Variants in ARHGEF10L observed in about 807,000 individuals in gnomAD.
The protein encoded by ARHGEF10L is rho guanine nucleotide exchange factor 10-like protein.
ARHGEF10L carries 69 observed loss-of-function variants against 141.2 expected under a neutral mutation model. The observed-to-expected ratio is 0.49, with a 90% CI of 0.40 to 0.60. The LOEUF is 0.60. Among genes scored for constraint, ARHGEF10L ranks in the 20% least tolerant of loss-of-function variants. ARHGEF10L has a pLI of 0.00. For missense variants in ARHGEF10L, 1,482 were observed against 1,734.3 expected, an observed-to-expected ratio of 0.85 and a Z score of 2.58; for synonymous variants, 711 against 718.5, an observed-to-expected ratio of 0.99 and a Z score of 0.17.
rs1364059120 is a variant in ARHGEF10L, at chr1:17,603,348, A to T, written c.350-160A>T. Among the ~76,000 whole-genome samples the T allele has an allele frequency of 6.6e-6, 1 of 151,738 alleles. No individual in the cohort carries two copies. The highest frequency in any genetic ancestry group is 1.5e-5 in the Non-Finnish European group (1 of 67,896). ...GGCGGGGAGAAGCGAGGGAGCCGGCATCCCCTGAGGGCAGCTGGCGGAGCT... is the reference window on the plus strand; with the variant it reads ...GGCGGGGAGAAGCGAGGGAGCCGGCTTCCCCTGAGGGCAGCTGGCGGAGCT... On this transcript the variant is annotated intron_variant, in intron 5 of 28. Transcript: ENST00000361221. The surrounding 1 kb of genome is among the most constrained non-coding windows in gnomAD (Gnocchi z 4.8).
intron 16 of ARHGEF10L, chr1:17,634,243 A>C: frequency 1.9e-6 from 1 of 518,692 alleles, no homozygotes. Flanking sequence ...GTGGGGTGCT[A>C]GTGGCCCGGT....
chr1:17,535,888 T>G (rs1207045234), upstream of ARHGEF10L, among the ~76,000 whole-genome samples: 1 of 152,150 alleles, frequency 6.6e-6, no homozygotes, highest in African/African-American at 2.4e-5. Flanking sequence ...CCACCCGGAA[T>G]GAGACAACAG....
chr1:17,603,652 G>T lies in ARHGEF10L; in HGVS notation c.433+61G>T. On this transcript the variant is annotated intron_variant, in intron 6 of 28. Transcript: ENST00000361221. The surrounding 1 kb of genome is among the most constrained non-coding windows in gnomAD (Gnocchi z 4.8). Reference sequence around the variant, plus strand: ...GGACAGGGGAGGGAGGCTGGGACTGGGGAGGGTTGTCTCTTTCCGTTTCCT... The same window carrying T: ...GGACAGGGGAGGGAGGCTGGGACTGTGGAGGGTTGTCTCTTTCCGTTTCCT... 2 of 1,453,162 alleles carry T rather than the reference G, an allele frequency of 1.4e-6. No individual in the cohort carries two copies. The highest frequency in any genetic ancestry group is 9.3e-7 in the Non-Finnish European group (1 of 1,070,510). 90.0% of individuals were successfully genotyped at this position (1,453,162 alleles called of 1,614,324 possible).
rs1026698901 is a variant in ARHGEF10L, at chr1:17,619,052, C to T, written c.836-287C>T. 3.3e-5 allele frequency among the ~76,000 whole-genome samples: 5 copies of T among 152,134 alleles called. No individual in the cohort carries two copies. The highest frequency in any genetic ancestry group is 6.5e-5 in the Admixed American group (1 of 15,276). On this transcript the variant is annotated intron_variant, in intron 9 of 28. Coordinates refer to ENST00000361221, the MANE Select transcript of ARHGEF10L (RefSeq NM_018125.4). The surrounding 1 kb of genome is among the most constrained non-coding windows in gnomAD (Gnocchi z 5.0). ...GGACAGTGGCTTCTGGCAGCATGGACGCCGAGAACCCAGGCCCCACAGGAC... is the reference window on the plus strand; with the variant it reads ...GGACAGTGGCTTCTGGCAGCATGGATGCCGAGAACCCAGGCCCCACAGGAC...
At chr1:17,596,615 C>A (rs1243741211) in intron 4 of ARHGEF10L, among the ~76,000 whole-genome samples, 1 of 152,236 alleles carries the variant, frequency 6.6e-6, no homozygotes, top group Non-Finnish European at 1.5e-5. Context: ...TTTTGGGGGT[C>A]TCCTCCCCGA....
At chr1:17,534,829 T>A (rs1392603468), upstream of ARHGEF10L, among the ~76,000 whole-genome samples, 1 of 151,942 alleles carries the variant, frequency 6.6e-6, no homozygotes, top group Non-Finnish European at 1.5e-5. Flanking sequence ...CCTCAGATGA[T>A]CCATCTGCCT....
chr1:17,516,153 C>T, the ARHGEF10L span, among the ~76,000 whole-genome samples: 1 of 152,340 alleles, frequency 6.6e-6, no homozygotes, highest in East Asian at 1.9e-4. Context: ...GGCAGCCTTG[C>T]TGAGTGGAGT....
Position 17,623,125 on chromosome 1 carries a change from G to T in ARHGEF10L, c.1150G>T (p.Val384Leu), listed in dbSNP as rs773305597. ...SMFQIALSSR[V>L]AEWDSTEKIG... The stretch of plus-strand genomic sequence containing the variant: ...GTTCCAGATCGCCCTGTCCTCCCGC[G>T]TGGCTGAGTGGGATTCCACCGAGAA... Residue 384 changes from valine to leucine, a missense_variant, in exon 12 of 29, where the codon GTG becomes TTG. By Grantham distance (32) the Val-to-Leu change is conservative. Transcript: ENST00000361221. This position sits in a 1 kb window ranked among gnomAD's most constrained non-coding sequence, Gnocchi z 4.7. The T allele has an allele frequency of 3.1e-6, 5 of 1,613,770 alleles. No homozygotes were observed. In the South Asian group the frequency reaches 5.5e-5, roughly 18 times the overall value.
the ARHGEF10L span, among the ~76,000 whole-genome samples, chr1:17,523,171 C>A: frequency 1.1e-4 from 17 of 149,984 alleles, no homozygotes; most frequent in African/African-American, 4.2e-4. Flanking sequence ...CTGCAACGTC[C>A]ACCTCCTGAG....
chr1:17,514,960 GA>G, the ARHGEF10L span, among the ~76,000 whole-genome samples: 1 of 152,204 alleles, frequency 6.6e-6, no homozygotes, highest in African/African-American at 2.4e-5. Flanking sequence ...CCCCTTGAGG[GA>G]GCGACTTGTT....
chr1:17,628,712 A>G (rs2060514224), intron 15 of ARHGEF10L, among the ~76,000 whole-genome samples: 1 of 152,202 alleles, frequency 6.6e-6, no homozygotes. Context: ...ACTAAGGCCT[A>G]TGGCTGGCTG....
chr1:17,664,696 T>G, intron 26 of ARHGEF10L, 101 bp downstream of exon 26: 4 of 1,369,402 alleles, frequency 2.9e-6, no homozygotes, highest in Non-Finnish European at 3.8e-6. Flanking sequence ...CCCAGTGGCA[T>G]TCCAAGGATC....
At chr1:17,561,270 C>T (rs1267644845) in intron 1 of ARHGEF10L, among the ~76,000 whole-genome samples, 3 of 152,086 alleles carry the variant, frequency 2.0e-5, no homozygotes, top group Non-Finnish European at 2.9e-5. Flanking sequence ...CCCTGCACCT[C>T]CCCCCCGCCC....
intron 2 of ARHGEF10L, among the ~76,000 whole-genome samples, chr1:17,584,053 AT>A (rs112090443): frequency 1.3e-5 from 2 of 150,862 alleles, no homozygotes; most frequent in African/African-American, 2.4e-5. Flanking sequence ...ACTTTTGTTT[AT>A]TTTTTTTTGA....
chr1:17,599,920 C>T (rs1031100000), intron 4 of ARHGEF10L, among the ~76,000 whole-genome samples: 2 of 152,246 alleles, frequency 1.3e-5, no homozygotes, highest in African/African-American at 4.8e-5. Context: ...CTTAGTCCCA[C>T]TAGCCACATG....
chr1:17,521,734 G>T, the ARHGEF10L span, among the ~76,000 whole-genome samples: 1 of 152,272 alleles, frequency 6.6e-6, no homozygotes, highest in East Asian at 1.9e-4. Context: ...TGAACCCAGG[G>T]AGTGTGGTTC....
intron 1 of ARHGEF10L, among the ~76,000 whole-genome samples, chr1:17,580,306 T>C (rs1206252472): frequency 6.6e-6 from 1 of 152,216 alleles, no homozygotes; most frequent in Non-Finnish European, 1.5e-5. Context: ...TGCAGGTCCC[T>C]TGGCACTGGC....
intron 26 of ARHGEF10L, among the ~76,000 whole-genome samples, chr1:17,671,176 G>C (rs934075343): frequency 6.6e-6 from 1 of 152,228 alleles, no homozygotes; most frequent in Non-Finnish European, 1.5e-5. Flanking sequence ...CCTCCGCCAC[G>C]GCGGAGCCGC....
chr1:17,596,058 C>T (rs74059338), intron 4 of ARHGEF10L, among the ~76,000 whole-genome samples: 2,122 of 152,300 alleles, frequency 0.014, 39 homozygotes, highest in African/African-American at 0.047. Context: ...TCCCCCCTCA[C>T]GCCTGGGAGC....
Sources: allele counts gnomAD v4.1 joint callset (sites outside exome capture counted in the v4.1 genomes callset), GRCh38; gene constraint gnomAD v4.1.1; non-coding constraint Gnocchi (gnomAD v3.1); transcripts MANE v1.5; gene names NCBI Gene and HGNC (gene_info 2026-07-23, HGNC 2026-07-21).